Variants in SORBS3 observed in about 807,000 individuals in gnomAD.
SORBS3 encodes sorbin and SH3 domain containing 3.
Under a neutral mutation model 98.0 loss-of-function variants are expected in SORBS3, and 69 were observed. The ratio of observed to expected loss-of-function variants is 0.70; its 90% CI spans 0.58 to 0.86. The LOEUF (loss-of-function observed/expected upper bound fraction) is 0.86, where lower values mean the gene tolerates loss of function less well. Ranked by LOEUF, SORBS3 falls within the 40% of genes least tolerant of loss-of-function variation. The pLI, the probability that SORBS3 is intolerant of heterozygous loss-of-function variation, is 0.00. For synonymous variants in SORBS3, 394 were observed against 355.4 expected (o/e 1.11, Z -1.22); for missense variants, 954 against 908.5 (o/e 1.05, Z -0.64).
intron 10 of SORBS3, chr8:22,564,885 G>C: frequency 7.8e-7 from 1 of 1,275,292 alleles, no homozygotes; most frequent in Non-Finnish European, 1.0e-6. Context: ...TGGGGGCTCC[G>C]GTCCCTGGGG....
In SORBS3 at chr8:22,551,999, C is replaced by A; in HGVS notation, c.-79C>A. On this transcript the variant is annotated 5_prime_UTR_variant, in exon 1 of 21. Transcript: ENST00000240123. The surrounding 1 kb of genome is among the most constrained non-coding windows in gnomAD (Gnocchi z 5.8). ...CCTGCGCTCCCGGGCGGCCTCGGGC[C>A]CAGCCACCTGCTCGCCGGGGAAGGT... The A allele has an allele frequency of 1.0e-6, 1 of 984,674 alleles. No homozygotes were observed. The highest frequency in any genetic ancestry group is 1.2e-6 in the Non-Finnish European group (1 of 829,734). 61.0% of individuals were successfully genotyped at this position (984,674 alleles called of 1,614,324 possible). A position where few individuals can be genotyped will look rare whatever the true frequency, so the allele number is the denominator to read the frequency against.
chr8:22,566,899 C>T (rs1840440174), intron 15 of SORBS3, 31 bp downstream of exon 15: 1 of 1,599,168 alleles, frequency 6.3e-7, no homozygotes. Context: ...CCCCTTCCAC[C>T]CAAGGCAATC....
intron 1 of SORBS3, among the ~76,000 whole-genome samples, chr8:22,552,680 G>T (rs1356716520): frequency 6.6e-6 from 1 of 152,218 alleles, no homozygotes; most frequent in Non-Finnish European, 1.5e-5. Flanking sequence ...GGGAAGGAAG[G>T]CGCTGTCAGC....
chr8:22,554,624 G>A lies in SORBS3; in HGVS notation c.102+16G>A, dbSNP rs1840149425. 1.2e-6 allele frequency: 2 copies of A among 1,607,206 alleles called. No individual in the cohort carries two copies. Among genetic ancestry groups the A allele is most frequent in the African/African-American group, 1.3e-5 (1 of 74,946 alleles). On this transcript the variant is annotated intron_variant, in intron 2 of 20. Transcript: ENST00000240123. This position sits in a 1 kb window ranked among gnomAD's most constrained non-coding sequence, Gnocchi z 6.5. ...GGGGACACGGGTGAGTGAGTCAGTA[G>A]GGAGGAGGGTGTCCTGCGGGCCCGG...
At chr8:22,565,043 C>T in intron 10 of SORBS3, 1 of 1,407,162 alleles carries the variant, frequency 7.1e-7, no homozygotes, top group Admixed American at 3.0e-5. Flanking sequence ...GATCAGGAAG[C>T]GCGTAGGCAC....
In SORBS3 at chr8:22,567,092, T is replaced by A; in HGVS notation, c.1222T>A (p.Tyr408Asn). The change falls in exon 16 of 21, where the codon TAC (tyrosine) becomes AAC (asparagine). Residue 408 changes from tyrosine to asparagine, a missense_variant. Physicochemically the swap from Tyr to Asn is moderately radical, Grantham distance 143 (BLOSUM62 -2). Transcript: ENST00000240123. ...ELTLQKGDIV[Y>N]IHKEVDKNWL... ...GACTCTGCAGAAGGGTGACATTGTC[T>A]ACATCCACAAGGAGGTGGACAAGAA... 6.2e-7 allele frequency: 1 copy of A among 1,613,620 alleles called. No individual in the cohort carries two copies. Among genetic ancestry groups the A allele is most frequent in the Non-Finnish European group, 8.5e-7 (1 of 1,179,932 alleles).
intron 16 of SORBS3, among the ~76,000 whole-genome samples, chr8:22,568,484 G>A (rs1474765283): frequency 1.3e-5 from 2 of 152,154 alleles, no homozygotes; most frequent in African/African-American, 2.4e-5. Flanking sequence ...TGACCCATGG[G>A]TTGGGTTGTT....
chr8:22,550,906 T>G (rs1472936117), upstream of SORBS3, among the ~76,000 whole-genome samples: 2 of 152,216 alleles, frequency 1.3e-5, no homozygotes, highest in African/African-American at 4.8e-5. Flanking sequence ...TCCAGAGTGT[T>G]TCCACGGTCC....
intron 1 of SORBS3, among the ~76,000 whole-genome samples, chr8:22,553,358 C>G (rs1474894481): frequency 6.6e-6 from 1 of 152,248 alleles, no homozygotes; most frequent in Non-Finnish European, 1.5e-5. Context: ...AAACCTGATT[C>G]CATCCAGTCC....
chr8:22,566,059 G>A, intron 12 of SORBS3, 187 bp downstream of exon 12: 1 of 549,618 alleles, frequency 1.8e-6, no homozygotes, highest in Non-Finnish European at 2.7e-6. Context: ...CGCCACCGAG[G>A]GCAGCTAACT....
intron 1 of SORBS3, among the ~76,000 whole-genome samples, chr8:22,552,655 T>TGGGC (rs1339917851): frequency 6.6e-6 from 1 of 151,884 alleles, no homozygotes; most frequent in Admixed American, 6.6e-5. Context: ...GAGCACGAGG[T>TGGGC]GGGCGGGGAG....
intron 10 of SORBS3, chr8:22,564,980 T>C: frequency 7.4e-7 from 1 of 1,358,608 alleles, no homozygotes; most frequent in South Asian, 1.6e-5. Context: ...ACCCCATTGG[T>C]GCTGTAACAG....
chr8:22,569,965 C>T (rs1465305702), intron 17 of SORBS3, among the ~76,000 whole-genome samples: 2 of 152,144 alleles, frequency 1.3e-5, no homozygotes, highest in South Asian at 2.1e-4. Flanking sequence ...TGTTAGCATG[C>T]GTTGCGAGCA....
intron 1 of SORBS3, among the ~76,000 whole-genome samples, chr8:22,552,728 C>T (rs528217687): frequency 3.3e-5 from 5 of 152,320 alleles, no homozygotes; most frequent in African/African-American, 1.2e-4. Flanking sequence ...TGCAATTTGG[C>T]CCGAAGCAGT....
At chr8:22,558,047 C>G in intron 4 of SORBS3, 82 bp from the exon 5 acceptor site, 2 of 1,355,422 alleles carry the variant, frequency 1.5e-6, no homozygotes, top group Non-Finnish European at 2.1e-6. Flanking sequence ...AGAGAAGGGA[C>G]TCACTAGGGA....
chr8:22,561,974 G>T, intron 7 of SORBS3, 43 bp downstream of exon 7: 1 of 1,590,242 alleles, frequency 6.3e-7, no homozygotes. Context: ...GAGGGGCGCG[G>T]CCCGCGAGAC....
In SORBS3 at chr8:22,575,080, C is replaced by T. The variant is rs1286279657; in HGVS notation, c.*352C>T. 10 of 433,998 alleles carry T rather than the reference C, an allele frequency of 2.3e-5. No individual in the cohort carries two copies. The highest frequency in any genetic ancestry group is 3.5e-5 in the South Asian group (2 of 57,116). The allele number at this position is 433,998 out of a possible 1,614,324, so 26.9% of individuals were successfully genotyped here. A position where few individuals can be genotyped will look rare whatever the true frequency, so the allele number is the denominator to read the frequency against. ...TTTCCTCTAACAGGGACCAGCTCTC[C>T]GCTTTGCCCCCACGGGGTTCCTCTA... On this transcript the variant is annotated 3_prime_UTR_variant, in exon 21 of 21. Transcript: ENST00000240123.
upstream of SORBS3, among the ~76,000 whole-genome samples, chr8:22,548,750 C>G (rs535239271): frequency 6.6e-6 from 1 of 152,140 alleles, no homozygotes; most frequent in South Asian, 2.1e-4. Context: ...GAACTGAGTC[C>G]GGGTTCATGT....
At chr8:22,563,015 AG>A (rs1318485062) in intron 7 of SORBS3, among the ~76,000 whole-genome samples, 2 of 152,028 alleles carry the variant, frequency 1.3e-5, no homozygotes, top group African/African-American at 4.8e-5. Flanking sequence ...TCTACTCGGG[AG>A]GCTGAGGTAG....
Sources: gnomAD v4.1 joint callset for allele counts (sites outside exome capture counted in the v4.1 genomes callset) on GRCh38, gnomAD v4.1.1 for gene constraint, Gnocchi (gnomAD v3.1) non-coding constraint, MANE v1.5 for transcripts, NCBI Gene and HGNC (gene_info 2026-07-23, HGNC 2026-07-21) for gene names.